DLGAP2: variants seen among roughly 807,000 people sequenced by gnomAD.
DLGAP2 encodes the protein disks large-associated protein 2.
Under a neutral mutation model 100.3 loss-of-function variants are expected in DLGAP2, and 26 were observed. That is an observed-to-expected ratio of 0.26 (90% CI 0.19 to 0.36). The LOEUF (loss-of-function observed/expected upper bound fraction) is 0.36, where lower values mean the gene tolerates loss of function less well. DLGAP2 is among the 10% of genes least tolerant of loss of function. The pLI is 1.00. For missense variants in DLGAP2, 1,858 were observed against 1,453.2 expected (o/e 1.28, Z -4.53); for synonymous variants, 886 against 630.1 (o/e 1.41, Z -6.08).
intron 2 of DLGAP2, among the ~76,000 whole-genome samples, chr8:1,240,292 C>T (rs187744090): frequency 2.3e-4 from 13 of 56,236 alleles, no homozygotes; most frequent in South Asian, 5.2e-4. Context: ...TACATGGCGC[C>T]GTGTCTAGTT....
intron 1 of DLGAP2, among the ~76,000 whole-genome samples, chr8:767,512 C>T (rs1054990318): frequency 7.9e-5 from 12 of 152,134 alleles, no homozygotes; most frequent in African/African-American, 2.9e-4. Flanking sequence ...ACCTGGCACC[C>T]TGCCCGGCTA....
At chr8:994,135 T>C (rs1426850226) in intron 2 of DLGAP2, among the ~76,000 whole-genome samples, 1 of 152,142 alleles carries the variant, frequency 6.6e-6, no homozygotes, top group Non-Finnish European at 1.5e-5. Context: ...TCATTAGTGA[T>C]TATTATTGGG....
chr8:1,538,105 G>A (rs1188108972), intron 4 of DLGAP2, among the ~76,000 whole-genome samples: 1 of 152,130 alleles, frequency 6.6e-6, no homozygotes, highest in Non-Finnish European at 1.5e-5. Context: ...TGATGCTGCT[G>A]GGGCTGCCGA....
At chr8:1,327,383 C>T (rs1227371319) in intron 3 of DLGAP2, among the ~76,000 whole-genome samples, 2 of 152,192 alleles carry the variant, frequency 1.3e-5, no homozygotes, top group East Asian at 1.9e-4. Flanking sequence ...GTATTTTGGG[C>T]TCATGAGAAT....
At chr8:978,779 A>G (rs1259143150) in intron 2 of DLGAP2, among the ~76,000 whole-genome samples, 2 of 152,170 alleles carry the variant, frequency 1.3e-5, no homozygotes, top group Non-Finnish European at 2.9e-5. Context: ...TTTCCCCAGA[A>G]GTGAATGAAG....
intron 6 of DLGAP2, among the ~76,000 whole-genome samples, chr8:1,623,972 C>T (rs979667535): frequency 6.6e-6 from 1 of 152,168 alleles, no homozygotes; most frequent in Non-Finnish European, 1.5e-5. Context: ...AACATAGACT[C>T]ACAAAATACA....
At chr8:756,410 G>C (rs1820922836) in intron 1 of DLGAP2, among the ~76,000 whole-genome samples, 1 of 152,224 alleles carries the variant, frequency 6.6e-6, no homozygotes, top group Non-Finnish European at 1.5e-5. Flanking sequence ...AATGTTCTCT[G>C]ATCTGTTTTT....
intron 1 of DLGAP2, among the ~76,000 whole-genome samples, chr8:767,822 G>A (rs577455533): frequency 1.3e-5 from 2 of 152,302 alleles, no homozygotes; most frequent in Admixed American, 6.5e-5. Flanking sequence ...ATTAGCAACT[G>A]ATAGCAAGGT....
At chr8:1,170,669 G>C (rs1430042752) in intron 2 of DLGAP2, among the ~76,000 whole-genome samples, 1 of 144,668 alleles carries the variant, frequency 6.9e-6, no homozygotes, top group Non-Finnish European at 1.5e-5. Flanking sequence ...GTTTATTTGC[G>C]TAGAGGTGTT....
rs1434617511 is a variant in DLGAP2, at chr8:1,392,953, A to G, written c.107-108413A>G. 2.7e-5 allele frequency among the ~76,000 whole-genome samples: 3 copies of G among 111,490 alleles called. No individual in the cohort carries two copies. The Admixed American group carries it at 3.0e-4, about 11-fold the overall frequency. The allele number at this position is 111,490 out of a possible 152,430, so 73.1% of individuals were successfully genotyped here. The stretch of plus-strand genomic sequence containing the variant: ...ACAACTATTCCCCCCAAATGGAGAC[A>G]GATCAGTTTTGCTCTAAATGTGAAT... On this transcript the variant is annotated intron_variant, in intron 3 of 14. Coordinates refer to ENST00000637795, the MANE Select transcript of DLGAP2 (RefSeq NM_001346810.2).
At chr8:1,694,879 C>T (rs576806444) in intron 13 of DLGAP2, among the ~76,000 whole-genome samples, 1 of 151,972 alleles carries the variant, frequency 6.6e-6, no homozygotes, top group Non-Finnish European at 1.5e-5. Flanking sequence ...TTATAAACAC[C>T]TTATCATCTC....
rs960853712 is a variant in DLGAP2, at chr8:1,326,237, A to G, written c.106+67354A>G. On this transcript the variant is annotated intron_variant, in intron 3 of 14. Transcript: ENST00000637795. Reference sequence around the variant, plus strand: ...TGTGACAGCAGTTTTAAATAAAAATAAAAGGGCATTTAACTTGTATGCAGA... The same window carrying G: ...TGTGACAGCAGTTTTAAATAAAAATGAAAGGGCATTTAACTTGTATGCAGA... Among the ~76,000 whole-genome samples the G allele has an allele frequency of 2.6e-5, 4 of 152,266 alleles. No individual in the cohort carries two copies. In the South Asian group the frequency reaches 8.3e-4, roughly 31 times the overall value.
intron 3 of DLGAP2, among the ~76,000 whole-genome samples, chr8:1,420,011 C>T (rs1046358117): frequency 6.6e-6 from 1 of 152,188 alleles, no homozygotes; most frequent in African/African-American, 2.4e-5. Flanking sequence ...GAATGAAATC[C>T]TTAGGGTTTT....
chr8:905,265 G>T (rs532024274), intron 1 of DLGAP2, among the ~76,000 whole-genome samples: 2 of 152,106 alleles, frequency 1.3e-5, no homozygotes, highest in African/African-American at 4.8e-5. Flanking sequence ...TGCAGTGAGT[G>T]GCTCTGCTGG....
intron 2 of DLGAP2, among the ~76,000 whole-genome samples, chr8:1,200,361 A>AG (rs1469456557): frequency 6.6e-6 from 1 of 152,178 alleles, no homozygotes; most frequent in Non-Finnish European, 1.5e-5. Flanking sequence ...TCATCTTCAG[A>AG]GCTTGTTAAA....
At chr8:1,045,628 C>G (rs933186177) in intron 2 of DLGAP2, among the ~76,000 whole-genome samples, 1 of 152,096 alleles carries the variant, frequency 6.6e-6, no homozygotes, top group Non-Finnish European at 1.5e-5. Flanking sequence ...GTCCTTTGAC[C>G]TCCCCAACCG....
At chr8:1,018,382 T>A (rs1469752515) in intron 2 of DLGAP2, among the ~76,000 whole-genome samples, 1 of 152,214 alleles carries the variant, frequency 6.6e-6, no homozygotes, top group African/African-American at 2.4e-5. Context: ...TCGCATTAGG[T>A]TGGGAAGTCC....
At chr8:1,680,193 T>C (rs959198860) in intron 12 of DLGAP2, among the ~76,000 whole-genome samples, 3 of 152,222 alleles carry the variant, frequency 2.0e-5, no homozygotes, top group African/African-American at 7.2e-5. Context: ...GTATTTTTCT[T>C]TTTCTGTGAA....
intron 3 of DLGAP2, among the ~76,000 whole-genome samples, chr8:1,347,221 G>A (rs1316570588): frequency 1.3e-5 from 2 of 150,776 alleles, no homozygotes; most frequent in African/African-American, 4.9e-5. Flanking sequence ...CCTACACAGA[G>A]CTGCATTGCT....
Sources: allele counts gnomAD v4.1 joint callset (sites outside exome capture counted in the v4.1 genomes callset), GRCh38; gene constraint gnomAD v4.1.1; transcripts MANE v1.5; gene names NCBI Gene and HGNC (gene_info 2026-07-23, HGNC 2026-07-21).